CHPT1: variants seen among roughly 807,000 people sequenced by gnomAD.
CHPT1 encodes the protein choline phosphotransferase 1.
In CHPT1, 36 loss-of-function variants were observed where a neutral mutation model predicts 47.6. That is an observed-to-expected ratio of 0.76 (90% CI 0.58 to 1.00). The LOEUF (loss-of-function observed/expected upper bound fraction) is 1.00, where lower values mean the gene tolerates loss of function less well. Among genes scored for constraint, CHPT1 ranks in the 50% least tolerant of loss-of-function variants. The pLI, the probability that CHPT1 is intolerant of heterozygous loss-of-function variation, is 0.00. For missense variants in CHPT1, 458 were observed against 498.1 expected, an observed-to-expected ratio of 0.92 and a Z score of 0.77; for synonymous variants, 194 against 186.3, an observed-to-expected ratio of 1.04 and a Z score of -0.33.
chr12:101,726,581 C>T, intron 8 of CHPT1, 177 bp downstream of exon 8: 1 of 907,468 alleles, frequency 1.1e-6, no homozygotes, highest in Non-Finnish European at 1.5e-6. Context: ...AGTTATGAAG[C>T]CCCCATTGTA....
Position 101,723,248 on chromosome 12 carries a change from T to C in CHPT1, c.861T>C (p.Thr287=). Residue 287 remains threonine, a synonymous_variant, in exon 6 of 9, where the codon ACT becomes ACC. Transcript: ENST00000229266. ...LAIMIYKKSA[T]DVFEKHPCLY... ...TAATGATCTATAAAAAGTCAGCAAC[T>C]GATGTGTTTGAAAAGCATCCTTGTC... is the stretch of plus-strand genomic sequence containing the variant. 1 of 1,611,690 alleles carries C rather than the reference T, an allele frequency of 6.2e-7. No homozygotes were observed. Among genetic ancestry groups the C allele is most frequent in the Non-Finnish European group, 8.5e-7 (1 of 1,177,842 alleles).
intron 2 of CHPT1, 112 bp downstream of exon 2, chr12:101,714,349 G>C (rs1027596913): frequency 7.5e-6 from 9 of 1,192,166 alleles, no homozygotes; most frequent in Middle Eastern, 2.2e-4. Flanking sequence ...GTATGGAGTT[G>C]TTTAAAAAGT....
intron 8 of CHPT1, chr12:101,727,874 C>T (rs1952000715): frequency 6.6e-6 from 1 of 152,046 alleles, no homozygotes; most frequent in Admixed American, 6.6e-5. Context: ...TCTGTAGGCA[C>T]CTGTTTTTTT....
At chr12:101,707,411 T>A (rs192351033) in intron 1 of CHPT1, among the ~76,000 whole-genome samples, 36 of 152,320 alleles carry the variant, frequency 2.4e-4, no homozygotes, top group Admixed American at 1.2e-3. Flanking sequence ...GAGCTGTTCC[T>A]AAACTCATGT....
At chr12:101,703,077 G>A (rs1286231582) in intron 1 of CHPT1, among the ~76,000 whole-genome samples, 2 of 152,198 alleles carry the variant, frequency 1.3e-5, no homozygotes, top group African/African-American at 4.8e-5. Flanking sequence ...TGGTTCAAGT[G>A]TGGATAAAAC....
chr12:101,727,103 A>T (rs1044445351), intron 8 of CHPT1: 2 of 152,218 alleles, frequency 1.3e-5, no homozygotes, highest in African/African-American at 2.4e-5. Flanking sequence ...TTTCACTGTC[A>T]CTGAAAAGTG....
intron 3 of CHPT1, chr12:101,714,855 C>T: frequency 2.6e-6 from 1 of 385,224 alleles, no homozygotes. Context: ...TTTTATTTTT[C>T]TTCTCCTCTT....
In CHPT1 at chr12:101,714,248, G is replaced by A. The variant is rs750730906; in HGVS notation, c.421+11G>A. On this transcript the variant is annotated intron_variant, in intron 2 of 8. Coordinates refer to ENST00000229266, the MANE Select transcript of CHPT1 (RefSeq NM_020244.3). ...ACTCTCTTTCCACAGGTAAATTAGTGGAGTTTTTTATTTTTTTATGATACC... is the reference window on the plus strand; with the variant it reads ...ACTCTCTTTCCACAGGTAAATTAGTAGAGTTTTTTATTTTTTTATGATACC... 4 of 1,549,688 alleles carry A rather than the reference G, an allele frequency of 2.6e-6. No homozygotes were observed. Among genetic ancestry groups the A allele is most frequent in the Non-Finnish European group, 3.5e-6 (4 of 1,154,562 alleles).
At chr12:101,714,417 A>T in intron 2 of CHPT1, 87 bp from the exon 3 acceptor site, 1 of 1,224,342 alleles carries the variant, frequency 8.2e-7, no homozygotes, top group Non-Finnish European at 1.1e-6. Flanking sequence ...TTATTTCCTT[A>T]GAGCTCTGTA....
intron 4 of CHPT1, chr12:101,717,124 G>T: frequency 2.6e-6 from 1 of 377,604 alleles, no homozygotes; most frequent in Non-Finnish European, 5.1e-6. Flanking sequence ...CTTTTTCCAG[G>T]GTGAAATAAA....
intron 6 of CHPT1, among the ~76,000 whole-genome samples, 195 bp from the exon 7 acceptor site, chr12:101,723,527 A>G (rs1198708550): frequency 1.3e-5 from 2 of 152,202 alleles, no homozygotes; most frequent in Non-Finnish European, 2.9e-5. Flanking sequence ...CAACTTTCTG[A>G]TATCAAGAAA....
chr12:101,700,286 G>A (rs573247303), intron 1 of CHPT1, among the ~76,000 whole-genome samples: 27 of 145,496 alleles, frequency 1.9e-4, no homozygotes, highest in African/African-American at 3.6e-4. Context: ...GAAGAGGTAC[G>A]TTTATGATTA....
At chr12:101,716,134 G>C (rs1951760327) in intron 3 of CHPT1, among the ~76,000 whole-genome samples, 1 of 152,260 alleles carries the variant, frequency 6.6e-6, no homozygotes, top group Non-Finnish European at 1.5e-5. Context: ...ATAGGAGAGA[G>C]AGTGACAGCT....
At chr12:101,706,318 C>A (rs762942383) in intron 1 of CHPT1, among the ~76,000 whole-genome samples, 2 of 150,916 alleles carry the variant, frequency 1.3e-5, no homozygotes, top group Admixed American at 1.3e-4. Context: ...CCACTGCACT[C>A]CAGCCTGGGC....
intron 1 of CHPT1, among the ~76,000 whole-genome samples, chr12:101,701,002 A>G (rs542602335): frequency 3.3e-5 from 5 of 152,232 alleles, no homozygotes; most frequent in African/African-American, 1.2e-4. Flanking sequence ...TTATCTACTC[A>G]TATAGGCTTT....
chr12:101,726,852 G>GCA (rs1275372681), intron 8 of CHPT1: 3 of 167,772 alleles, frequency 1.8e-5, no homozygotes, highest in Non-Finnish European at 3.8e-5. Flanking sequence ...TAAGTGCATG[G>GCA]CTTATAATGT....
chr12:101,727,922 G>GAGTT (rs1156391442), intron 8 of CHPT1: 2 of 152,118 alleles, frequency 1.3e-5, no homozygotes, highest in Non-Finnish European at 2.9e-5. Context: ...AGATAAGGGT[G>GAGTT]AGTTATACAG....
In CHPT1 at chr12:101,698,100, T is replaced by A; in HGVS notation, c.239T>A (p.Val80Glu). Residue 80 changes from valine to glutamate, a missense_variant, in exon 1 of 9, where the codon GTG becomes GAG. By Grantham distance (121) the Val-to-Glu change is moderately radical. Coordinates refer to ENST00000229266, the MANE Select transcript of CHPT1 (RefSeq NM_020244.3). ...GLAVNVVTTL[V>E]LISYCPTATE... The stretch of plus-strand genomic sequence containing the variant: ...GCCGTCAACGTGGTCACCACGCTCG[T>A]GCTCATCTCCTACTGTCCCACGGCC... 6.4e-7 allele frequency: 1 copy of A among 1,554,126 alleles called. No individual in the cohort carries two copies. The highest frequency in any genetic ancestry group is 8.6e-7 in the Non-Finnish European group (1 of 1,157,946).
chr12:101,722,934 G>A (rs1249792409), intron 5 of CHPT1, among the ~76,000 whole-genome samples: 2 of 152,070 alleles, frequency 1.3e-5, no homozygotes, highest in Non-Finnish European at 1.5e-5. Context: ...AGTTTAAAAC[G>A]TGTGTGAATA....
Sources: gnomAD v4.1 joint callset for allele counts (sites outside exome capture counted in the v4.1 genomes callset) on GRCh38, gnomAD v4.1.1 for gene constraint, MANE v1.5 for transcripts, NCBI Gene and HGNC (gene_info 2026-07-23, HGNC 2026-07-21) for gene names.